The following CCDC50 variants were observed in gnomAD, a reference collection of about 807,000 sequenced individuals.
CCDC50 encodes coiled-coil domain containing 50.
A neutral mutation model predicts 70.2 loss-of-function variants in CCDC50; 54 were observed. The ratio of observed to expected loss-of-function variants is 0.77; its 90% CI spans 0.62 to 0.96. CCDC50 has a LOEUF of 0.96. Ranked by LOEUF, CCDC50 falls within the 50% of genes least tolerant of loss-of-function variation. The probability of loss-of-function intolerance (pLI) is 0.00; values close to 1 mark genes in which losing one functional copy is unlikely to be tolerated. For synonymous variants in CCDC50, 216 were observed against 198.8 expected, an observed-to-expected ratio of 1.09 and a Z score of -0.73; for missense variants, 558 against 578.7, an observed-to-expected ratio of 0.96 and a Z score of 0.37.
Position 191,380,669 on chromosome 3 carries a change from G to A in CCDC50, c.1093-18G>A. ...GATTCCAATTAAATTCTTTGTTTTT[G>A]TATTTTCGATATCATAGGCTACCCA... On this transcript the variant is annotated intron_variant, in intron 7 of 11. Transcript: ENST00000392455. 6.2e-7 allele frequency: 1 copy of A among 1,609,420 alleles called. No homozygotes were observed. Among genetic ancestry groups the A allele is most frequent in the South Asian group, 1.1e-5 (1 of 90,566 alleles).
intron 6 of CCDC50, among the ~76,000 whole-genome samples, chr3:191,378,192 T>C (rs888706951): frequency 3.3e-5 from 5 of 152,100 alleles, no homozygotes; most frequent in Admixed American, 1.3e-4. Flanking sequence ...CCATTTCCCC[T>C]CTAAATATTT....
At position 191,380,731 on chromosome 3, in the gene CCDC50, A is replaced by G. The variant is rs1238350244; in HGVS notation, c.1137A>G (p.Glu379=). The G allele has an allele frequency of 6.2e-7, 1 of 1,612,752 alleles. No homozygotes were observed. Among genetic ancestry groups the G allele is most frequent in the Admixed American group, 1.7e-5 (1 of 59,840 alleles). Reference sequence around the variant, plus strand: ...GAGCCGCTCAAGTAGCTCAAGATGAAGTAAGTTAATGAGTTTAGCTGATAT... The same window carrying G: ...GAGCCGCTCAAGTAGCTCAAGATGAGGTAAGTTAATGAGTTTAGCTGATAT... ...DMRAAQVAQD[E]EIARLLMAEE... The change falls in exon 8 of 12, where the codon GAA becomes GAG. Residue 379 remains glutamate, a splice_region_variant and synonymous_variant. Coordinates refer to ENST00000392455, the MANE Select transcript of CCDC50 (RefSeq NM_178335.3).
rs1477290133 is a variant in CCDC50 at position 191,348,095 on chromosome 3, T to TGAAA, written c.50-8991_50-8988dup. On this transcript the variant is annotated intron_variant, in intron 1 of 11. Coordinates refer to ENST00000392455, the MANE Select transcript of CCDC50 (RefSeq NM_178335.3). ...GTTCTATCCTGTAAACTACGTGCTATGAAAGCACTGAAAGAAAATGATAGA... is the reference window on the plus strand; with the variant it reads ...GTTCTATCCTGTAAACTACGTGCTATGAAAGAAAGCACTGAAAGAAAATGATAGA... Among the ~76,000 whole-genome samples the TGAAA allele has an allele frequency of 4.9e-5, 7 of 142,354 alleles. 3 individuals are homozygous for TGAAA. The highest frequency in any genetic ancestry group is 1.1e-4 in the Non-Finnish European group (7 of 63,104). The allele number at this position is 142,354 out of a possible 152,430, so 93.4% of individuals were successfully genotyped here.
intron 1 of CCDC50, among the ~76,000 whole-genome samples, chr3:191,332,931 A>G (rs1342401777): frequency 6.6e-6 from 1 of 152,204 alleles, no homozygotes; most frequent in Non-Finnish European, 1.5e-5. Context: ...CAATTTCTTA[A>G]GCATTAGAGC....
At chr3:191,339,595 C>T (rs1029535088) in intron 1 of CCDC50, among the ~76,000 whole-genome samples, 3 of 152,146 alleles carry the variant, frequency 2.0e-5, no homozygotes, top group African/African-American at 4.8e-5. Flanking sequence ...GCATTTAGAA[C>T]GCGTTGCAGA....
At chr3:191,374,995 G>A (rs1207319675) in intron 5 of CCDC50, 67 bp from the exon 6 acceptor site, 6 of 1,509,210 alleles carry the variant, frequency 4.0e-6, no homozygotes, top group Non-Finnish European at 5.5e-6. Flanking sequence ...CCCCTGTGTA[G>A]TGAGTTCATA....
chr3:191,389,077 C>T lies in CCDC50; in HGVS notation c.1323-419C>T, dbSNP rs762343648. ...TTCCTCCCTCCTTTCTGTCTCTTAC[C>T]CTTCCTTTTTTCTTTTTTTCCTTTC... On this transcript the variant is annotated intron_variant, in intron 10 of 11. Transcript: ENST00000392455. 7.9e-5 allele frequency among the ~76,000 whole-genome samples: 12 copies of T among 151,938 alleles called. 1 individual carries two copies. The Middle Eastern group carries it at 0.014, about 172-fold the overall frequency.
chr3:191,384,295 A>G (rs1388505818), intron 10 of CCDC50, among the ~76,000 whole-genome samples: 2 of 151,206 alleles, frequency 1.3e-5, no homozygotes, highest in Non-Finnish European at 2.9e-5. Flanking sequence ...ATATATGACC[A>G]AAAAAATGAG....
chr3:191,388,293 TA>T (rs1352062145), intron 10 of CCDC50, among the ~76,000 whole-genome samples: 1 of 152,114 alleles, frequency 6.6e-6, no homozygotes, highest in African/African-American at 2.4e-5. Context: ...CTGCTCCTGA[TA>T]AAAATACACA....
Position 191,391,874 on chromosome 3 carries a change from C to A in CCDC50, c.*114C>A. Reference sequence around the variant, plus strand: ...CTGTGTTTGCATTCCTGGGATTTATCCTCAAGTGCATTTCTGACCATAAGT... The same window carrying A: ...CTGTGTTTGCATTCCTGGGATTTATACTCAAGTGCATTTCTGACCATAAGT... On this transcript the variant is annotated 3_prime_UTR_variant, in exon 12 of 12. Coordinates refer to ENST00000392455, the MANE Select transcript of CCDC50 (RefSeq NM_178335.3). 1 of 916,294 alleles carries A rather than the reference C, an allele frequency of 1.1e-6. No homozygotes were observed. Among genetic ancestry groups the A allele is most frequent in the Non-Finnish European group, 1.7e-6 (1 of 574,152 alleles). The allele number at this position is 916,294 out of a possible 1,614,324, so 56.8% of individuals were successfully genotyped here.
chr3:191,351,820 C>G (rs1372669544), intron 1 of CCDC50, among the ~76,000 whole-genome samples: 1 of 140,594 alleles, frequency 7.1e-6, no homozygotes, highest in Non-Finnish European at 1.6e-5. Context: ...TTTCCTATCC[C>G]ATCTCTTGCT....
At chr3:191,382,620 C>G (rs1195626943) in intron 9 of CCDC50, 126 bp from the exon 10 acceptor site, 8 of 655,982 alleles carry the variant, frequency 1.2e-5, no homozygotes, top group Non-Finnish European at 1.9e-5. Flanking sequence ...TATAATTAAT[C>G]TGAAATTACT....
intron 10 of CCDC50, among the ~76,000 whole-genome samples, chr3:191,386,780 A>G (rs1262831783): frequency 6.6e-6 from 1 of 152,200 alleles, no homozygotes; most frequent in Non-Finnish European, 1.5e-5. Context: ...AGGAGGTGAA[A>G]GATCTCTATG....
chr3:191,356,244 G>A (rs923741408), intron 1 of CCDC50, among the ~76,000 whole-genome samples: 5 of 152,102 alleles, frequency 3.3e-5, no homozygotes, highest in African/African-American at 1.2e-4. Context: ...GTATGTTTAC[G>A]AAGCAGGAGT....
chr3:191,331,291 A>T (rs1717974952), intron 1 of CCDC50, among the ~76,000 whole-genome samples: 1 of 152,192 alleles, frequency 6.6e-6, no homozygotes, highest in Non-Finnish European at 1.5e-5. Context: ...TCCCCTATTC[A>T]TGTGAGTGAA....
chr3:191,396,619 C>T lies in CCDC50; in HGVS notation c.*4859C>T, dbSNP rs1713867504. On this transcript the variant is annotated 3_prime_UTR_variant, in exon 12 of 12. Transcript: ENST00000392455. Reference sequence around the variant, plus strand: ...ATTATTTGTAAGAATTTCACCAACACCCTTGTGTATTGAAATGCTTAACCA... The same window carrying T: ...ATTATTTGTAAGAATTTCACCAACATCCTTGTGTATTGAAATGCTTAACCA... 1 of 152,092 alleles carries T rather than the reference C, an allele frequency of 6.6e-6. No individual in the cohort carries two copies. Among genetic ancestry groups the T allele is most frequent in the Admixed American group, 6.5e-5 (1 of 15,268 alleles). The allele number at this position is 152,092 out of a possible 1,614,324, so 9.4% of individuals were successfully genotyped here.
intron 1 of CCDC50, among the ~76,000 whole-genome samples, chr3:191,338,999 T>G (rs949720224): frequency 2.0e-5 from 3 of 152,226 alleles, no homozygotes; most frequent in Non-Finnish European, 4.4e-5. Flanking sequence ...CTATTTTCTC[T>G]TTTAAATTTA....
At chr3:191,334,822 T>C (rs1309053344) in intron 1 of CCDC50, among the ~76,000 whole-genome samples, 1 of 152,190 alleles carries the variant, frequency 6.6e-6, no homozygotes, top group Non-Finnish European at 1.5e-5. Context: ...AATAAGGCTT[T>C]TTCTGAGGAT....
Position 191,392,162 on chromosome 3 carries a change from AT to A in CCDC50, c.*403del, listed in dbSNP as rs1713716879. On this transcript the variant is annotated 3_prime_UTR_variant, in exon 12 of 12. Transcript: ENST00000392455. ...AACGCAGAATAAAAGAATATAAGAA[AT>A]AGCTTTTTGTTGCATTAATGTATGA... 2 of 171,570 alleles carry A rather than the reference AT, an allele frequency of 1.2e-5. No individual in the cohort carries two copies. The highest frequency in any genetic ancestry group is 5.6e-5 in the Admixed American group (1 of 17,930). 10.6% of individuals were successfully genotyped at this position (171,570 alleles called of 1,614,324 possible).
Sources: allele counts gnomAD v4.1 joint callset (sites outside exome capture counted in the v4.1 genomes callset), GRCh38; gene constraint gnomAD v4.1.1; transcripts MANE v1.5; gene names NCBI Gene and HGNC (gene_info 2026-07-23, HGNC 2026-07-21).